ZBTB49: variants seen among roughly 807,000 people sequenced by gnomAD.
ZBTB49 encodes the protein zinc finger and BTB domain containing 49, also known as zinc finger and BTB domain-containing protein 49.
A neutral mutation model predicts 57.5 loss-of-function variants in ZBTB49; 43 were observed. That is an observed-to-expected ratio of 0.75 (90% CI 0.59 to 0.97). The LOEUF (loss-of-function observed/expected upper bound fraction) is 0.97, where lower values mean the gene tolerates loss of function less well. Among genes scored for constraint, ZBTB49 ranks in the 50% least tolerant of loss-of-function variants. ZBTB49 has a pLI of 0.00. For missense variants in ZBTB49, 938 were observed against 947.7 expected (o/e 0.99, Z 0.13); for synonymous variants, 369 against 362.1 (o/e 1.02, Z -0.22).
Position 4,300,134 on chromosome 4 carries a change from T to C in ZBTB49, c.152+37T>C, listed in dbSNP as rs1720412863. On this transcript the variant is annotated intron_variant, in intron 2 of 7. Transcript: ENST00000337872. ...AGACTTCATTCTCCTAGCTGTGAAT[T>C]AAGGGTAAAGCTCTTTTAGTATGGA... is the stretch of plus-strand genomic sequence containing the variant. 3 of 1,609,116 alleles carry C rather than the reference T, an allele frequency of 1.9e-6. No homozygotes were observed. The African/African-American group carries it at 4.0e-5, about 21-fold the overall frequency.
At chr4:4,317,643 G>A (rs1721243134) in intron 7 of ZBTB49, among the ~76,000 whole-genome samples, 1 of 151,926 alleles carries the variant, frequency 6.6e-6, no homozygotes, top group African/African-American at 2.4e-5. Flanking sequence ...CGTGTACCAA[G>A]GCTTGTGTGG....
chr4:4,318,889 T>TA (rs1382106213), intron 7 of ZBTB49, among the ~76,000 whole-genome samples: 3 of 62,674 alleles, frequency 4.8e-5, no homozygotes, highest in Admixed American at 4.8e-4. Context: ...TTTGTTTTTT[T>TA]TAATCTTTTT....
chr4:4,307,184 G>A (rs1265821704), intron 4 of ZBTB49, among the ~76,000 whole-genome samples: 2 of 152,206 alleles, frequency 1.3e-5, no homozygotes, highest in African/African-American at 4.8e-5. Flanking sequence ...GTACTCGGTC[G>A]GGTCATGTCC....
chr4:4,302,884 A>T lies in ZBTB49; in HGVS notation c.1048A>T (p.Ser350Cys), dbSNP rs145026892. The T allele has an allele frequency of 7.4e-6, 12 of 1,613,920 alleles. No individual in the cohort carries two copies. In the African/African-American group the frequency reaches 1.6e-4, roughly 22 times the overall value. Residue 350 changes from serine to cysteine, a missense_variant, in exon 3 of 8, where the codon AGC becomes TGC. Ser to Cys is a moderately radical substitution (Grantham distance 112). Coordinates refer to ENST00000337872, the MANE Select transcript of ZBTB49 (RefSeq NM_145291.4). ...TAAAAATACCCTAGAGAAAGCTAGC[A>T]GCCAAAGTGCTGAAGAAAAAGAAAG... ...ASKNTLEKASSQSAEEKESEE... is the reference protein window; with the variant it reads ...ASKNTLEKASCQSAEEKESEE...
intron 3 of ZBTB49, among the ~76,000 whole-genome samples, chr4:4,305,127 A>G (rs571267063): frequency 3.4e-5 from 5 of 148,764 alleles, no homozygotes; most frequent in African/African-American, 9.9e-5. Flanking sequence ...AGTTTCATTT[A>G]TTGCAATACA....
intron 5 of ZBTB49, 116 bp from the exon 6 acceptor site, chr4:4,315,514 AGTTCAC>A: frequency 2.2e-6 from 2 of 910,572 alleles, no homozygotes; most frequent in South Asian, 3.4e-5. Flanking sequence ...AAACCAGTCC[AGTTCAC>A]GTTCCTTTCT....
rs746873765 is a variant in ZBTB49 at position 4,321,197 on chromosome 4, C to T, written c.2179C>T (p.Leu727=). 4 of 1,614,208 alleles carry T rather than the reference C, an allele frequency of 2.5e-6. No individual in the cohort carries two copies. The Admixed American group carries it at 5.0e-5, about 20-fold the overall frequency. ...AALDNHGGDP[L]GSRASSTTYR... ...TTTGGACAACCACGGCGGTGACCCC[C>T]TGGGCAGTCGAGCATCTTCCACCAC... Residue 727 remains leucine, a synonymous_variant, in exon 8 of 8, where the codon CTG becomes TTG. Transcript: ENST00000337872.
rs774889259 is a variant in ZBTB49, at chr4:4,302,025, T to C, written c.189T>C (p.Asp63=). The change falls in exon 3 of 8, where the codon GAT becomes GAC. Residue 63 remains aspartate (D), a synonymous_variant. Transcript: ENST00000337872. The part of the protein sequence containing the change: ...LFQNSSSQKN[D]VFHLDVKNVS... Reference sequence around the variant, plus strand: ...AGAATTCTTCAAGCCAGAAGAATGATGTTTTTCACTTGGATGTTAAAAATG... The same window carrying C: ...AGAATTCTTCAAGCCAGAAGAATGACGTTTTTCACTTGGATGTTAAAAATG... The C allele has an allele frequency of 1.9e-6, 3 of 1,585,982 alleles. No individual in the cohort carries two copies. Among genetic ancestry groups the C allele is most frequent in the East Asian group, 2.3e-5 (1 of 44,368 alleles).
intron 4 of ZBTB49, among the ~76,000 whole-genome samples, chr4:4,309,321 T>C (rs534696830): frequency 1.3e-5 from 2 of 151,996 alleles, no homozygotes; most frequent in South Asian, 2.1e-4. Flanking sequence ...CAGGGAAGAG[T>C]CATGTCATAC....
At chr4:4,317,003 C>G (rs2108900528) in intron 7 of ZBTB49, among the ~76,000 whole-genome samples, 1 of 152,304 alleles carries the variant, frequency 6.6e-6, no homozygotes, top group East Asian at 1.9e-4. Context: ...GCACCACTGC[C>G]TGGGTGACAG....
rs748713348 is a variant in ZBTB49, at chr4:4,303,052, C to T, written c.1216C>T (p.His406Tyr). The T allele has an allele frequency of 1.9e-6, 3 of 1,611,556 alleles. No individual in the cohort carries two copies. The highest frequency in any genetic ancestry group is 2.5e-6 in the Non-Finnish European group (3 of 1,178,686). ...ACELCGKPFK[H>Y]PSNLELHKRS... ...TGAATTATGCGGGAAACCTTTTAAACACCCAAGCAACTTGGAGCTTCACAA... is the reference window on the plus strand; with the variant it reads ...TGAATTATGCGGGAAACCTTTTAAATACCCAAGCAACTTGGAGCTTCACAA... The change falls in exon 3 of 8, where the codon CAC (histidine) becomes TAC (tyrosine). Residue 406 changes from histidine to tyrosine, a missense_variant. His to Tyr is a moderately conservative substitution (Grantham distance 83). Transcript: ENST00000337872.
At chr4:4,313,935 G>A (rs1455767002) in intron 5 of ZBTB49, among the ~76,000 whole-genome samples, 1 of 152,116 alleles carries the variant, frequency 6.6e-6, no homozygotes, top group Middle Eastern at 3.2e-3. Flanking sequence ...AGTGCTATAT[G>A]GGTCCATAAA....
At chr4:4,317,021 TTCATCTC>T (rs1252723685) in intron 7 of ZBTB49, among the ~76,000 whole-genome samples, 2 of 152,208 alleles carry the variant, frequency 1.3e-5, no homozygotes, top group African/African-American at 4.8e-5. Context: ...CAGCGAGAGC[TTCATCTC>T]AAAGCATCAG....
At chr4:4,301,693 G>C (rs1416498835) in intron 2 of ZBTB49, among the ~76,000 whole-genome samples, 1 of 151,824 alleles carries the variant, frequency 6.6e-6, no homozygotes, top group Non-Finnish European at 1.5e-5. Context: ...TTGATTTGTG[G>C]TTTATCAGTC....
chr4:4,314,035 G>T lies in ZBTB49; in HGVS notation c.1376+921G>T, dbSNP rs144343532. The stretch of plus-strand genomic sequence containing the variant: ...GTCACGGGGTCAGTTAGAAGTCAGT[G>T]TCCTCATATTCAGTCTCAGCACATG... On this transcript the variant is annotated intron_variant, in intron 5 of 7. Transcript: ENST00000337872. Among the ~76,000 whole-genome samples, 25 of 152,362 alleles carry T rather than the reference G, an allele frequency of 1.6e-4. No individual in the cohort carries two copies. The East Asian group carries it at 3.9e-3, about 24-fold the overall frequency.
rs1721043456 is a variant in ZBTB49, at chr4:4,313,086, C to T, written c.1348C>T (p.Pro450Ser). The T allele has an allele frequency of 1.2e-6, 2 of 1,614,156 alleles. No homozygotes were observed. The change falls in exon 5 of 8, where the codon CCA (proline) becomes TCA (serine). Residue 450 changes from proline (P) to serine (S), a missense_variant. Around this residue, in one of 3 missense-constraint regions of ZBTB49, gnomAD observed 835 missense variants for 819.1 expected, o/e 1.02. Coordinates refer to ENST00000337872, the MANE Select transcript of ZBTB49 (RefSeq NM_145291.4). ...THLRRHSGEK[P>S]YICEICGKRF... ...CTTACGACGGCATTCTGGTGAAAAA[C>T]CATACATCTGCGAGATCTGTGGAAA...
intron 4 of ZBTB49, 80 bp downstream of exon 4, chr4:4,306,264 G>GTCT: frequency 8.2e-7 from 1 of 1,223,318 alleles, no homozygotes; most frequent in Non-Finnish European, 1.2e-6. Context: ...ACATACTTTT[G>GTCT]TACTTGTGAG....
chr4:4,304,090 T>C (rs894766474), intron 3 of ZBTB49, among the ~76,000 whole-genome samples: 1 of 152,194 alleles, frequency 6.6e-6, no homozygotes, highest in African/African-American at 2.4e-5. Flanking sequence ...TGCATTTGAA[T>C]ATAAAGTACT....
At chr4:4,312,129 C>T (rs983133472) in intron 4 of ZBTB49, among the ~76,000 whole-genome samples, 5 of 152,210 alleles carry the variant, frequency 3.3e-5, no homozygotes, top group East Asian at 1.9e-4. Context: ...TCATTTTTAC[C>T]GCTGGGTATA....
Sources: gnomAD v4.1 joint callset for allele counts (sites outside exome capture counted in the v4.1 genomes callset) on GRCh38, gnomAD v4.1.1 for gene constraint, gnomAD v4.1.1 regional missense constraint, MANE v1.5 for transcripts, NCBI Gene and HGNC (gene_info 2026-07-23, HGNC 2026-07-21) for gene names.